CTNNA3: variants seen among roughly 807,000 people sequenced by gnomAD.
The protein encoded by CTNNA3 is catenin alpha-3.
A neutral mutation model predicts 95.7 loss-of-function variants in CTNNA3; 76 were observed. That is an observed-to-expected ratio of 0.79 (90% CI 0.66 to 0.96). The LOEUF is 0.96. Among genes scored for constraint, CTNNA3 ranks in the 40% least tolerant of loss-of-function variants. The pLI is 0.00. For missense variants in CTNNA3, 1,191 were observed against 1,089.8 expected (o/e 1.09, Z -1.31); for synonymous variants, 431 against 374.4 (o/e 1.15, Z -1.74).
intron 15 of CTNNA3, among the ~76,000 whole-genome samples, chr10:66,017,283 A>G (rs979976457): frequency 4.6e-5 from 7 of 152,142 alleles, no homozygotes; most frequent in Admixed American, 1.3e-4. Flanking sequence ...AGTCAGTCAT[A>G]TGGTGATAAA....
At chr10:66,315,028 G>T (rs187688761) in intron 12 of CTNNA3, among the ~76,000 whole-genome samples, 2 of 152,134 alleles carry the variant, frequency 1.3e-5, no homozygotes, top group East Asian at 3.9e-4. Context: ...TCTCCAAGAA[G>T]ATATGGAAAA....
At chr10:66,229,503 G>A (rs535618917) in intron 13 of CTNNA3, among the ~76,000 whole-genome samples, 7 of 151,906 alleles carry the variant, frequency 4.6e-5, no homozygotes, top group East Asian at 1.9e-4. Flanking sequence ...TAATATTCTC[G>A]TCTCACAGGT....
intron 11 of CTNNA3, among the ~76,000 whole-genome samples, chr10:66,428,383 C>T (rs1421713754): frequency 6.6e-6 from 1 of 152,142 alleles, no homozygotes; most frequent in Admixed American, 6.6e-5. Context: ...GAACTGAACT[C>T]AGCTCTGCAC....
Position 66,204,663 on chromosome 10 carries a change from G to A in CTNNA3, c.1884+75807C>T, listed in dbSNP as rs1200015503. 2.6e-5 allele frequency among the ~76,000 whole-genome samples: 4 copies of A among 152,224 alleles called. No homozygotes were observed. The East Asian group carries it at 7.7e-4, about 29-fold the overall frequency. The stretch of plus-strand genomic sequence containing the variant: ...CCCAAAGGTGACCACTTCCTCCCTT[G>A]TACTTACATCCATTCATACTTCTAT... On this transcript the variant is annotated intron_variant, in intron 13 of 17. Transcript: ENST00000433211.
chr10:67,728,968 A>C (rs547605761), intron 1 of CTNNA3, among the ~76,000 whole-genome samples: 1 of 152,282 alleles, frequency 6.6e-6, no homozygotes, highest in African/African-American at 2.4e-5. Context: ...GCCTCCTTTA[A>C]AGCTTCCATA....
Position 66,354,306 on chromosome 10 carries a change from A to T in CTNNA3, c.1732+24846T>A, listed in dbSNP as rs570359252. 7.3e-3 allele frequency among the ~76,000 whole-genome samples: 838 copies of T among 114,558 alleles called. 7 individuals are homozygous for T. Among genetic ancestry groups the T allele is most frequent in the African/African-American group, 0.021 (783 of 37,228 alleles). 75.2% of individuals were successfully genotyped at this position (114,558 alleles called of 152,430 possible). A position where few individuals can be genotyped will look rare whatever the true frequency, so the allele number is the denominator to read the frequency against. ...TCTCAAAAATAAAAAAAAAAAGTCT[A>T]TGAACACTAAAAAAAAAAATAAGAG... is the stretch of plus-strand genomic sequence containing the variant. On this transcript the variant is annotated intron_variant, in intron 12 of 17. Coordinates refer to ENST00000433211, the MANE Select transcript of CTNNA3 (RefSeq NM_013266.4).
intron 7 of CTNNA3, among the ~76,000 whole-genome samples, chr10:66,853,711 G>C (rs976136842): frequency 2.6e-5 from 4 of 152,028 alleles, no homozygotes; most frequent in African/African-American, 4.8e-5. Flanking sequence ...CTAAACAAAT[G>C]TTAAGACAAA....
intron 10 of CTNNA3, among the ~76,000 whole-genome samples, chr10:66,547,228 C>T (rs1842061342): frequency 3.9e-5 from 6 of 152,004 alleles, no homozygotes; most frequent in Non-Finnish European, 1.5e-5. Flanking sequence ...CGTCACACGA[C>T]CACTCATCAC....
chr10:67,678,747 C>A (rs771989492), intron 1 of CTNNA3, among the ~76,000 whole-genome samples: 2 of 151,996 alleles, frequency 1.3e-5, no homozygotes, highest in Non-Finnish European at 2.9e-5. Flanking sequence ...ATACAAGGAG[C>A]CTTCTAAAGA....
intron 3 of CTNNA3, among the ~76,000 whole-genome samples, chr10:67,558,822 G>A (rs901811873): frequency 9.8e-5 from 15 of 152,286 alleles, no homozygotes; most frequent in African/African-American, 3.4e-4. Flanking sequence ...AAAATGGCAC[G>A]CCAGGAGATT....
At chr10:67,331,528 C>T (rs555221092) in intron 5 of CTNNA3, among the ~76,000 whole-genome samples, 28 of 145,510 alleles carry the variant, frequency 1.9e-4, no homozygotes, top group Non-Finnish European at 3.6e-4. Context: ...GGGGGAGGGC[C>T]GGGGGAGGGA....
intron 3 of CTNNA3, among the ~76,000 whole-genome samples, chr10:67,553,530 A>T (rs1841108342): frequency 6.6e-6 from 1 of 152,188 alleles, no homozygotes; most frequent in Non-Finnish European, 1.5e-5. Context: ...AAATAATAGT[A>T]ATCTGGACAT....
chr10:66,807,399 A>G (rs889288882), intron 7 of CTNNA3, among the ~76,000 whole-genome samples: 1 of 152,102 alleles, frequency 6.6e-6, no homozygotes, highest in Non-Finnish European at 1.5e-5. Flanking sequence ...CTGTGCCAGC[A>G]CGGCCTTTAC....
In CTNNA3 at chr10:67,250,539, A is replaced by G. The variant is rs183166720; in HGVS notation, c.580-30669T>C. 3.0e-3 allele frequency among the ~76,000 whole-genome samples: 451 copies of G among 152,142 alleles called. 6 individuals carry two copies. The highest frequency in any genetic ancestry group is 0.01 in the African/African-American group (425 of 41,496). On this transcript the variant is annotated intron_variant, in intron 5 of 17. Transcript: ENST00000433211. The stretch of plus-strand genomic sequence containing the variant: ...CACAGAGGGCCAACTTTTTATACAC[A>G]TGGGTTCCGCAGGGCAGATTTCAAG...
intron 9 of CTNNA3, among the ~76,000 whole-genome samples, chr10:66,638,406 T>C (rs1845406892): frequency 2.0e-5 from 3 of 152,316 alleles, no homozygotes; most frequent in Middle Eastern, 3.4e-3. Flanking sequence ...CGGACTTTAA[T>C]TGAATATAAT....
intron 12 of CTNNA3, among the ~76,000 whole-genome samples, chr10:66,356,588 T>C (rs1322145043): frequency 6.6e-6 from 1 of 152,016 alleles, no homozygotes; most frequent in African/African-American, 2.4e-5. Flanking sequence ...TTTGCCAATA[T>C]ATATGCCTTT....
At chr10:66,226,795 G>A (rs2089309194) in intron 13 of CTNNA3, among the ~76,000 whole-genome samples, 1 of 150,404 alleles carries the variant, frequency 6.6e-6, no homozygotes, top group South Asian at 2.1e-4. Flanking sequence ...TTATTCTTAG[G>A]TATTTTTTTA....
chr10:66,938,615 T>C (rs1402938906), intron 7 of CTNNA3, among the ~76,000 whole-genome samples: 2 of 152,144 alleles, frequency 1.3e-5, no homozygotes, highest in Non-Finnish European at 2.9e-5. Flanking sequence ...CGGAAGATAA[T>C]CCACGTGTGA....
At chr10:67,510,460 C>CTTT (rs139116294) in intron 5 of CTNNA3, among the ~76,000 whole-genome samples, 10 of 140,876 alleles carry the variant, frequency 7.1e-5, no homozygotes, top group African/African-American at 1.8e-4. Context: ...TTCTTCACTT[C>CTTT]TTTTTTTTTT....
Sources: gnomAD v4.1 joint callset for allele counts (sites outside exome capture counted in the v4.1 genomes callset) on GRCh38, gnomAD v4.1.1 for gene constraint, MANE v1.5 for transcripts, NCBI Gene and HGNC (gene_info 2026-07-23, HGNC 2026-07-21) for gene names.